The following LCLAT1 variants were observed in gnomAD, a reference collection of about 807,000 sequenced individuals.
LCLAT1 encodes lysocardiolipin acyltransferase 1.
LCLAT1 carries 11 observed loss-of-function variants against 30.7 expected under a neutral mutation model. The observed-to-expected ratio is 0.36, with a 90% CI of 0.23 to 0.59. The LOEUF is 0.59. Ranked by LOEUF, LCLAT1 falls within the 20% of genes least tolerant of loss-of-function variation. The pLI, the probability that LCLAT1 is intolerant of heterozygous loss-of-function variation, is 0.77. For missense variants in LCLAT1, 402 were observed against 458.6 expected, an observed-to-expected ratio of 0.88 and a Z score of 1.13; for synonymous variants, 155 against 151.3, an observed-to-expected ratio of 1.02 and a Z score of -0.18.
chr2:30,541,351 C>A (rs1270247133), intron 3 of LCLAT1, among the ~76,000 whole-genome samples: 1 of 151,950 alleles, frequency 6.6e-6, no homozygotes, highest in Non-Finnish European at 1.5e-5. Flanking sequence ...ATGATTGCAC[C>A]ACTGCACTCC....
chr2:30,534,437 C>G (rs1184842083), intron 3 of LCLAT1, among the ~76,000 whole-genome samples: 1 of 152,118 alleles, frequency 6.6e-6, no homozygotes, highest in Non-Finnish European at 1.5e-5. Context: ...GCCACCACGC[C>G]TGGCTAATTT....
At chr2:30,596,747 A>AT (rs1666944581) in intron 5 of LCLAT1, among the ~76,000 whole-genome samples, 1 of 142,182 alleles carries the variant, frequency 7.0e-6, no homozygotes, top group African/African-American at 2.7e-5. Context: ...TATTGCCTAG[A>AT]TTTTTTTCTA....
At position 30,447,775 on chromosome 2, in the gene LCLAT1, A is replaced by G. The variant is rs573075942; in HGVS notation, c.-5+392A>G. On this transcript the variant is annotated intron_variant, in intron 1 of 5. Coordinates refer to ENST00000379509, the MANE Select transcript of LCLAT1 (RefSeq NM_001002257.3). ...GGGAGCTGCACTGTCCCGGAACGCAACCTGAGGTCTGACCCTGTTAAATCC... is the reference window on the plus strand; with the variant it reads ...GGGAGCTGCACTGTCCCGGAACGCAGCCTGAGGTCTGACCCTGTTAAATCC... 6.6e-5 allele frequency among the ~76,000 whole-genome samples: 10 copies of G among 152,300 alleles called. No individual in the cohort carries two copies. The East Asian group carries it at 7.7e-4, about 12-fold the overall frequency.
intron 3 of LCLAT1, among the ~76,000 whole-genome samples, chr2:30,557,224 C>G (rs1239057985): frequency 2.0e-5 from 3 of 151,330 alleles, no homozygotes; most frequent in Admixed American, 6.6e-5. Context: ...AAGTAATTCC[C>G]TATGTATAGA....
chr2:30,491,085 C>T (rs892214817), intron 1 of LCLAT1, among the ~76,000 whole-genome samples: 1 of 152,096 alleles, frequency 6.6e-6, no homozygotes, highest in African/African-American at 2.4e-5. Context: ...CATTATATTT[C>T]TATTGGGTAT....
intron 5 of LCLAT1, among the ~76,000 whole-genome samples, chr2:30,629,305 A>T (rs1668654854): frequency 6.6e-6 from 1 of 152,176 alleles, no homozygotes; most frequent in Non-Finnish European, 1.5e-5. Flanking sequence ...CACCCCTGTA[A>T]TCTCAGCACT....
chr2:30,583,667 G>A (rs1666300965), intron 5 of LCLAT1, among the ~76,000 whole-genome samples: 4 of 152,144 alleles, frequency 2.6e-5, no homozygotes, highest in Admixed American at 2.0e-4. Flanking sequence ...GATAGCAAAT[G>A]GAGAGAAAAG....
chr2:30,550,160 G>A (rs10167083), intron 3 of LCLAT1, among the ~76,000 whole-genome samples: 133,713 of 152,248 alleles, frequency 0.88, 59,152 homozygotes, highest in African/African-American at 0.97. Flanking sequence ...TAGATGTTCT[G>A]AAGTAAACTT....
rs2148486087 is a variant in LCLAT1, at chr2:30,597,676, C to T, written c.628+29500C>T. ...ATTGCCTTGGCCAGAACTTCCATTA[C>T]TAGGCTGAATAGGAGTGGTGAGAGA... On this transcript the variant is annotated intron_variant, in intron 5 of 5. Transcript: ENST00000379509. 2.0e-5 allele frequency among the ~76,000 whole-genome samples: 3 copies of T among 152,250 alleles called. No individual in the cohort carries two copies. In the Middle Eastern group the frequency reaches 0.01, roughly 518 times the overall value.
chr2:30,507,622 T>A (rs780767825), intron 1 of LCLAT1, among the ~76,000 whole-genome samples: 1 of 151,118 alleles, frequency 6.6e-6, no homozygotes, highest in South Asian at 2.1e-4. Flanking sequence ...TCCATCCATG[T>A]TCCTGCAAAG....
intron 3 of LCLAT1, among the ~76,000 whole-genome samples, chr2:30,541,465 C>G (rs1223737313): frequency 6.6e-6 from 1 of 152,070 alleles, no homozygotes; most frequent in Non-Finnish European, 1.5e-5. Flanking sequence ...CCCCAAATAG[C>G]TACTAAGCCC....
intron 3 of LCLAT1, among the ~76,000 whole-genome samples, chr2:30,546,250 G>T (rs1664404554): frequency 6.6e-6 from 1 of 152,146 alleles, no homozygotes; most frequent in Non-Finnish European, 1.5e-5. Context: ...ATGGAAACTG[G>T]ATAGGAAGCT....
intron 2 of LCLAT1, among the ~76,000 whole-genome samples, chr2:30,532,107 A>G (rs568231577): frequency 5.9e-5 from 9 of 152,286 alleles, no homozygotes; most frequent in East Asian, 1.9e-4. Context: ...AAAGTCTTAT[A>G]TATTGACATT....
intron 5 of LCLAT1, among the ~76,000 whole-genome samples, chr2:30,639,193 T>C (rs1300016170): frequency 1.3e-5 from 2 of 152,212 alleles, no homozygotes; most frequent in Non-Finnish European, 2.9e-5. Flanking sequence ...TGTGCTTTTC[T>C]GCCAGAACAT....
chr2:30,640,061 A>G (rs942205228), intron 5 of LCLAT1, 56 bp from the exon 6 acceptor site: 7 of 1,419,878 alleles, frequency 4.9e-6, no homozygotes, highest in Non-Finnish European at 6.8e-6. Context: ...GTGAATCAGC[A>G]TTATCACCCA....
intron 1 of LCLAT1, among the ~76,000 whole-genome samples, chr2:30,503,346 A>C (rs1023533311): frequency 6.6e-6 from 1 of 152,140 alleles, no homozygotes; most frequent in African/African-American, 2.4e-5. Flanking sequence ...ATGAACATTT[A>C]TGTGCCTGTT....
intron 3 of LCLAT1, among the ~76,000 whole-genome samples, chr2:30,559,703 T>C (rs745715894): frequency 6.6e-6 from 1 of 152,232 alleles, no homozygotes; most frequent in Non-Finnish European, 1.5e-5. Flanking sequence ...TTGGCATCAC[T>C]GGTTGAGTTC....
chr2:30,487,395 CAT>C (rs1683610835), intron 1 of LCLAT1, among the ~76,000 whole-genome samples: 1 of 152,268 alleles, frequency 6.6e-6, no homozygotes, highest in East Asian at 1.9e-4. Context: ...TTGAAACAAA[CAT>C]AAAATAGTGA....
In LCLAT1 at chr2:30,447,324, G is replaced by T. The variant is rs575022923; in HGVS notation, c.-64G>T. 1 of 152,236 alleles carries T rather than the reference G, an allele frequency of 6.6e-6. No individual in the cohort carries two copies. The highest frequency in any genetic ancestry group is 2.1e-4 in the South Asian group (1 of 4,808). 9.4% of individuals were successfully genotyped at this position (152,236 alleles called of 1,614,324 possible). ...CCGCACGGAGGTTGTGACCCCTACG[G>T]AGCCCCAGCTTGCCCACGCACCCCA... On this transcript the variant is annotated 5_prime_UTR_variant, in exon 1 of 6. Coordinates refer to ENST00000379509, the MANE Select transcript of LCLAT1 (RefSeq NM_001002257.3).
Sources: gnomAD v4.1 joint callset for allele counts (sites outside exome capture counted in the v4.1 genomes callset) on GRCh38, gnomAD v4.1.1 for gene constraint, MANE v1.5 for transcripts, NCBI Gene and HGNC (gene_info 2026-07-23, HGNC 2026-07-21) for gene names.